VPS13A: variants seen among roughly 807,000 people sequenced by gnomAD.
The protein encoded by VPS13A is vacuolar protein sorting 13 homolog A, also known as intermembrane lipid transfer protein VPS13A.
VPS13A carries 264 observed loss-of-function variants against 390.9 expected under a neutral mutation model. The observed-to-expected ratio is 0.68, with a 90% confidence interval of 0.61 to 0.75. The LOEUF is 0.75. Ranked by LOEUF, VPS13A falls within the 30% of genes least tolerant of loss-of-function variation. The probability of loss-of-function intolerance (pLI) is 0.00; values close to 1 mark genes in which losing one functional copy is unlikely to be tolerated. For missense variants in VPS13A, 3,409 were observed against 3,733.9 expected (o/e 0.91, Z 2.27); for synonymous variants, 1,231 against 1,227.1 (o/e 1.00, Z -0.07).
At chr9:77,278,237 ATTTTTT>A (rs57545793) in intron 26 of VPS13A, among the ~76,000 whole-genome samples, 13 of 115,366 alleles carry the variant, frequency 1.1e-4, no homozygotes, top group South Asian at 9.1e-4. Context: ...CGCCCAGCTA[ATTTTTT>A]TTTTTTTTTT....
chr9:77,330,099 C>G (rs1830207321), intron 45 of VPS13A, among the ~76,000 whole-genome samples: 1 of 152,124 alleles, frequency 6.6e-6, no homozygotes, highest in East Asian at 1.9e-4. Context: ...TCACTGCAAC[C>G]TTGACCTCCC....
At position 77,362,870 on chromosome 9, in the gene VPS13A, A is replaced by AGG. The variant is rs1182687730; in HGVS notation, c.8211+2230_8211+2231insGG. ...TTCCTATGTATTATATTCTTCTTAT[A>AGG]GTATTATGAATAAAATTGATTTTTT... On this transcript the variant is annotated intron_variant, in intron 59 of 71. Transcript: ENST00000360280. Among the ~76,000 whole-genome samples, 6 of 152,294 alleles carry AGG rather than the reference A, an allele frequency of 3.9e-5. No homozygotes were observed. In the East Asian group the frequency reaches 1.2e-3, roughly 29 times the overall value.
chr9:77,302,825 T>C, intron 33 of VPS13A, 90 bp from the exon 34 acceptor site: 6 of 1,332,214 alleles, frequency 4.5e-6, no homozygotes, highest in Non-Finnish European at 6.3e-6. Context: ...TTCTGCTATT[T>C]GCATATAAAA....
chr9:77,384,349 C>G (rs1379267313), intron 68 of VPS13A, among the ~76,000 whole-genome samples: 1 of 151,488 alleles, frequency 6.6e-6, no homozygotes, highest in Admixed American at 6.6e-5. Context: ...CACAAAATAC[C>G]TTATTGATAT....
At chr9:77,378,382 A>G (rs998605005) in intron 67 of VPS13A, among the ~76,000 whole-genome samples, 6 of 152,180 alleles carry the variant, frequency 3.9e-5, no homozygotes, top group Non-Finnish European at 7.4e-5. Flanking sequence ...AGTAGTTTTT[A>G]TAGGAATTTG....
At chr9:77,314,192 A>C in intron 36 of VPS13A, 73 bp downstream of exon 36, 1 of 1,513,036 alleles carries the variant, frequency 6.6e-7, no homozygotes, top group South Asian at 1.2e-5. Flanking sequence ...TAAAGTAACA[A>C]ATGTTAATAT....
At position 77,213,292 on chromosome 9, in the gene VPS13A, T is replaced by C; in HGVS notation, c.674T>C (p.Leu225Pro). The C allele has an allele frequency of 1.2e-6, 2 of 1,613,502 alleles. No individual in the cohort carries two copies. The highest frequency in any genetic ancestry group is 2.2e-5 in the South Asian group (2 of 91,068). Reference protein sequence around the residue: ...YWNVKSQMFYLSDYDNSLDDL... With the variant: ...YWNVKSQMFYPSDYDNSLDDL... ...AATGTGAAGTCTCAGATGTTTTATC[T>C]TAGTGATTATGATAACTCCTTGGTA... The change falls in exon 9 of 72, where the codon CTT becomes CCT. Residue 225 changes from leucine (L) to proline (P), a missense_variant. Transcript: ENST00000360280.
At chr9:77,301,361 C>CTA (rs1353591333) in intron 33 of VPS13A, among the ~76,000 whole-genome samples, 1 of 152,022 alleles carries the variant, frequency 6.6e-6, no homozygotes, top group Non-Finnish European at 1.5e-5. Flanking sequence ...AAAAGAAAAC[C>CTA]TATGTGTGCA....
intron 40 of VPS13A, 75 bp from the exon 41 acceptor site, chr9:77,318,160 A>T: frequency 1.3e-6 from 1 of 768,510 alleles, no homozygotes; most frequent in Non-Finnish European, 2.0e-6. Context: ...ATTTCTCATA[A>T]TATATATTTA....
intron 50 of VPS13A, among the ~76,000 whole-genome samples, chr9:77,343,317 T>G (rs1312661532): frequency 1.3e-5 from 2 of 152,232 alleles, no homozygotes; most frequent in Non-Finnish European, 2.9e-5. Context: ...AATTCCATTT[T>G]ATGGTTGAAT....
At chr9:77,408,872 G>C (rs895544807) in intron 71 of VPS13A, among the ~76,000 whole-genome samples, 1 of 152,224 alleles carries the variant, frequency 6.6e-6, no homozygotes, top group East Asian at 1.9e-4. Flanking sequence ...TCTGGGGGCA[G>C]GGCACAGCCA....
chr9:77,263,667 T>C (rs531920070), intron 23 of VPS13A, among the ~76,000 whole-genome samples: 16 of 152,312 alleles, frequency 1.1e-4, no homozygotes, highest in Middle Eastern at 6.8e-3. Context: ...ATGGATAGAT[T>C]GCAAAAATTT....
chr9:77,398,749 A>G (rs1834224163), intron 68 of VPS13A, among the ~76,000 whole-genome samples: 1 of 152,142 alleles, frequency 6.6e-6, no homozygotes, highest in South Asian at 2.1e-4. Context: ...CTGACCAGCA[A>G]GATTTTGCTG....
intron 23 of VPS13A, among the ~76,000 whole-genome samples, chr9:77,271,614 T>G (rs1358032134): frequency 6.6e-6 from 1 of 152,124 alleles, no homozygotes; most frequent in Non-Finnish European, 1.5e-5. Flanking sequence ...TACAGTAGAC[T>G]ACTACTCAGG....
At position 77,405,921 on chromosome 9, in the gene VPS13A, T is replaced by C. The variant is rs759203710; in HGVS notation, c.9333T>C (p.Tyr3111=). ...TFGQLTCEWQ[Y]SFDEFTKEPF... ...GACAACTCACGTGTGAGTGGCAGTA[T>C]AGTTTTGATGAATTTACCAAAGAGC... The change falls in exon 70 of 72, where the codon TAT becomes TAC. Residue 3111 remains tyrosine (Y), a synonymous_variant. Coordinates refer to ENST00000360280, the MANE Select transcript of VPS13A (RefSeq NM_033305.3). The C allele has an allele frequency of 1.2e-5, 20 of 1,613,998 alleles. No individual in the cohort carries two copies. The highest frequency in any genetic ancestry group is 1.7e-5 in the Non-Finnish European group (20 of 1,180,010).
At chr9:77,268,939 CAAAA>C (rs34989883) in intron 23 of VPS13A, among the ~76,000 whole-genome samples, 1 of 104,564 alleles carries the variant, frequency 9.6e-6, no homozygotes, top group African/African-American at 3.5e-5. Flanking sequence ...TACTCCATCT[CAAAA>C]AAAAAAAAAA....
chr9:77,351,263 A>G, intron 52 of VPS13A, 54 bp from the exon 53 acceptor site: 1 of 1,598,606 alleles, frequency 6.3e-7, no homozygotes, highest in South Asian at 1.1e-5. Flanking sequence ...GTTTTTTTTT[A>G]ATCTCTTCGT....
rs750336401 is a variant in VPS13A at position 77,313,976 on chromosome 9, CTT to C, written c.4115-14_4115-13del. The C allele has an allele frequency of 6.2e-7, 1 of 1,606,006 alleles. No homozygotes were observed. The highest frequency in any genetic ancestry group is 8.5e-7 in the Non-Finnish European group (1 of 1,175,580). On this transcript the variant is annotated splice_polypyrimidine_tract_variant and intron_variant, in intron 35 of 71. Coordinates refer to ENST00000360280, the MANE Select transcript of VPS13A (RefSeq NM_033305.3). Reference sequence around the variant, plus strand: ...CATGATATTTTCTTTTATTAAATAACTTTAATTTTTTCAAGGAGCAACTGTGG... The same window carrying C: ...CATGATATTTTCTTTTATTAAATAACTAATTTTTTCAAGGAGCAACTGTGG...
intron 23 of VPS13A, among the ~76,000 whole-genome samples, chr9:77,265,459 T>C (rs189532150): frequency 2.6e-5 from 4 of 152,332 alleles, no homozygotes; most frequent in Admixed American, 2.0e-4. Context: ...TATTAATTAC[T>C]GCCTCAATTT....
Sources: allele counts gnomAD v4.1 joint callset (sites outside exome capture counted in the v4.1 genomes callset), GRCh38; gene constraint gnomAD v4.1.1; transcripts MANE v1.5; gene names NCBI Gene and HGNC (gene_info 2026-07-23, HGNC 2026-07-21).